The following GNAS variants were observed in gnomAD, a reference collection of about 807,000 sequenced individuals.
GNAS encodes GNAS complex locus.
Under a neutral mutation model 54.5 loss-of-function variants are expected in GNAS, and 8 were observed. That is an observed-to-expected ratio of 0.15 (90% confidence interval 0.09 to 0.26). The LOEUF (loss-of-function observed/expected upper bound fraction) is 0.26. Ranked by LOEUF, GNAS falls within the 10% of genes least tolerant of loss-of-function variation. GNAS has a pLI of 1.00. For synonymous variants in GNAS, 204 were observed against 191.4 expected, an observed-to-expected ratio of 1.07 and a Z score of -0.54; for missense variants, 170 against 529.8, an observed-to-expected ratio of 0.32 and a Z score of 6.67.
chr20:58,852,200 C>A (rs1213415340), intron 1 of GNAS, among the ~76,000 whole-genome samples: 2 of 152,062 alleles, frequency 1.3e-5, no homozygotes, highest in Non-Finnish European at 2.9e-5. Context: ...TCCACATAAA[C>A]AAGAGAGCAC....
intron 1 of GNAS, chr20:58,884,621 C>G (rs1162416495): frequency 6.6e-6 from 1 of 152,212 alleles, no homozygotes; most frequent in Non-Finnish European, 1.5e-5. Flanking sequence ...TATTCTCCAT[C>G]CTGGATGAGT....
chr20:58,890,258 C>CGCCGCCGCG (rs995444602), upstream of GNAS, among the ~76,000 whole-genome samples: 1 of 150,532 alleles, frequency 6.6e-6, no homozygotes, highest in Non-Finnish European at 1.5e-5. Context: ...CCGAGGCCGC[C>CGCCGCCGCG]GCCGCCGCGG....
chr20:58,848,879 C>T (rs1353125878), intron 1 of GNAS: 1 of 398,482 alleles, frequency 2.5e-6, no homozygotes, highest in Non-Finnish European at 4.4e-6. Context: ...CTCCACTCAC[C>T]TAAAGGACTT....
At position 58,873,949 on chromosome 20, in the gene GNAS, C is replaced by T. The variant is rs2087627635; in HGVS notation, c.44-21663C>T. The stretch of plus-strand genomic sequence containing the variant: ...TCCAGCCCAGTTGAGCACACCAAAT[C>T]AGAGGTTACCTAAAAGTGTCATGAG... On this transcript the variant is annotated intron_variant, in intron 1 of 12. Coordinates refer to the GNAS transcript ENST00000306090. This position sits in a 1 kb window ranked among gnomAD's most constrained non-coding sequence, Gnocchi z 4.3. Among the ~76,000 whole-genome samples, 1 of 152,336 alleles carries T rather than the reference C, an allele frequency of 6.6e-6. No individual in the cohort carries two copies. The highest frequency in any genetic ancestry group is 1.5e-5 in the Non-Finnish European group (1 of 68,032).
At position 58,874,193 on chromosome 20, in the gene GNAS, C is replaced by G. The variant is rs1448552656; in HGVS notation, c.44-21419C>G. Among the ~76,000 whole-genome samples the G allele has an allele frequency of 3.9e-5, 6 of 152,184 alleles. No homozygotes were observed. In the East Asian group the frequency reaches 1.2e-3, roughly 29 times the overall value. On this transcript the variant is annotated intron_variant, in intron 1 of 12. Transcript: ENST00000306090. ...TTGTCAGTCATGGGACTGAATGAGG[C>G]CTTTCTCCAGGAGGCACAGCCCAGA... is the stretch of plus-strand genomic sequence containing the variant.
chr20:58,905,049 C>T (rs1448980909), intron 5 of GNAS, among the ~76,000 whole-genome samples: 1 of 152,196 alleles, frequency 6.6e-6, no homozygotes, highest in African/African-American at 2.4e-5. Context: ...TTGGCATATT[C>T]TAACACATTT....
chr20:58,880,769 T>C (rs956264357), intron 1 of GNAS, among the ~76,000 whole-genome samples: 5 of 152,288 alleles, frequency 3.3e-5, no homozygotes, highest in African/African-American at 1.2e-4. Context: ...TTTTTTCCTC[T>C]CAAAATCTCT....
At position 58,891,439 on chromosome 20, in the gene GNAS, T is replaced by C. The variant is rs1267086190; in HGVS notation, c.-288T>C. 3.8e-6 allele frequency: 2 copies of C among 524,842 alleles called. No homozygotes were observed. The highest frequency in any genetic ancestry group is 2.1e-5 in the African/African-American group (1 of 46,742). The allele number at this position is 524,842 out of a possible 1,614,324, so 32.5% of individuals were successfully genotyped here. ...CGGCGGCAGCAGCTCCCGCAGCTCC[T>C]GCTCTGGTCCGCCTCGGCCCGGCGG... On this transcript the variant is annotated 5_prime_UTR_variant, in exon 1 of 13. Coordinates refer to ENST00000371085, the MANE Select transcript of GNAS (RefSeq NM_000516.7).
At chr20:58,866,757 T>C (rs1300885448) in intron 1 of GNAS, among the ~76,000 whole-genome samples, 2 of 151,936 alleles carry the variant, frequency 1.3e-5, no homozygotes, top group Non-Finnish European at 2.9e-5. Context: ...ATCTAATTTT[T>C]TCAAACAAAG....
intron 1 of GNAS, among the ~76,000 whole-genome samples, chr20:58,874,780 A>C (rs996589493): frequency 3.9e-5 from 6 of 152,086 alleles, no homozygotes; most frequent in Non-Finnish European, 8.8e-5. Flanking sequence ...CCAGTCCTCC[A>C]TCTTAGATCC....
intron 1 of GNAS, 36 bp from the exon 2 acceptor site, chr20:58,895,576 C>T (rs2089969188): frequency 7.6e-7 from 1 of 1,317,354 alleles, no homozygotes; most frequent in Non-Finnish European, 1.1e-6. Context: ...GTTAAAATGC[C>T]TCCTTCATAA....
chr20:58,853,247 G>T lies in GNAS; in HGVS notation c.43+12361G>T, dbSNP rs1429496704. ...TCTTACGGAGCCCCAAACTTATTTT[G>T]AGAGGCCGCCACCGTGTTATGGGCG... On this transcript the variant is annotated intron_variant, in intron 1 of 12. Coordinates refer to the GNAS transcript ENST00000306090. The surrounding 1 kb of genome is among the most constrained non-coding windows in gnomAD (Gnocchi z 4.4). 11 of 1,522,632 alleles carry T rather than the reference G, an allele frequency of 7.2e-6. No homozygotes were observed. Among genetic ancestry groups the T allele is most frequent in the South Asian group, 1.2e-5 (1 of 81,832 alleles). The allele number at this position is 1,522,632 out of a possible 1,614,324, so 94.3% of individuals were successfully genotyped here.
intron 1 of GNAS, chr20:58,892,150 T>C: frequency 2.1e-6 from 2 of 954,112 alleles, no homozygotes; most frequent in African/African-American, 1.8e-5. Flanking sequence ...GCTCTCGCTC[T>C]CCCCCTCTTT....
intron 1 of GNAS, among the ~76,000 whole-genome samples, chr20:58,860,531 T>C (rs192203540): frequency 1.1e-3 from 171 of 152,330 alleles, no homozygotes; most frequent in African/African-American, 3.9e-3. Flanking sequence ...AAAATAACTC[T>C]GCTCCATAGT....
chr20:58,895,317 C>T (rs940497582), intron 1 of GNAS: 2 of 427,900 alleles, frequency 4.7e-6, no homozygotes, highest in Non-Finnish European at 8.8e-6. Context: ...CTTCTCTTTG[C>T]CCCTTTCCAA....
intron 5 of GNAS, among the ~76,000 whole-genome samples, chr20:58,904,972 G>T (rs945311832): frequency 5.9e-5 from 9 of 152,134 alleles, no homozygotes; most frequent in African/African-American, 1.9e-4. Context: ...ATTTTCCCAG[G>T]AGGAAAATTT....
intron 1 of GNAS, among the ~76,000 whole-genome samples, chr20:58,892,727 C>T (rs1000604970): frequency 1.3e-5 from 2 of 151,944 alleles, no homozygotes; most frequent in South Asian, 4.2e-4. Context: ...AGACCACCCC[C>T]CAACACCAAA....
chr20:58,850,794 C>G (rs1163414904), intron 1 of GNAS: 15 of 398,738 alleles, frequency 3.8e-5, no homozygotes. Flanking sequence ...GACCCCACGG[C>G]GCTAGCGGTC....
In GNAS at chr20:58,855,003, G is replaced by A. The variant is rs1358580640; in HGVS notation, c.43+14117G>A. On this transcript the variant is annotated intron_variant, in intron 1 of 12. Transcript: ENST00000306090. ...CAGCGACGATGACTCCAGCGGAGAC[G>A]AGTCCGACGATGGGACCTCCGGATG... 1.4e-5 allele frequency: 22 copies of A among 1,612,736 alleles called. No individual in the cohort carries two copies. Among genetic ancestry groups the A allele is most frequent in the Non-Finnish European group, 1.7e-5 (20 of 1,179,844 alleles).
Sources: allele counts gnomAD v4.1 joint callset (sites outside exome capture counted in the v4.1 genomes callset), GRCh38; gene constraint gnomAD v4.1.1; non-coding constraint Gnocchi (gnomAD v3.1); transcripts MANE v1.5; gene names NCBI Gene and HGNC (gene_info 2026-07-23, HGNC 2026-07-21).